The following TTBK2 variants were observed in gnomAD, a reference collection of about 807,000 sequenced individuals.
TTBK2 encodes the protein tau-tubulin kinase 2.
Under a neutral mutation model 110.8 loss-of-function variants are expected in TTBK2, and 28 were observed. The observed-to-expected ratio is 0.25, with a 90% CI of 0.19 to 0.35. The LOEUF (loss-of-function observed/expected upper bound fraction) is 0.35, where lower values mean the gene tolerates loss of function less well. Ranked by LOEUF, TTBK2 falls within the 10% of genes least tolerant of loss-of-function variation. The pLI, the probability that TTBK2 is intolerant of heterozygous loss-of-function variation, is 1.00. For missense variants in TTBK2, 1,369 were observed against 1,500.3 expected, an observed-to-expected ratio of 0.91 and a Z score of 1.45; for synonymous variants, 532 against 527.3, an observed-to-expected ratio of 1.01 and a Z score of -0.12.
chr15:42,864,507 C>T (rs1894285904), intron 3 of TTBK2, among the ~76,000 whole-genome samples: 1 of 151,980 alleles, frequency 6.6e-6, no homozygotes, highest in South Asian at 2.1e-4. Flanking sequence ...TCCCTTGAAC[C>T]CGGGAGGCAA....
chr15:42,826,163 T>C (rs916886507), intron 6 of TTBK2, among the ~76,000 whole-genome samples: 26 of 152,244 alleles, frequency 1.7e-4, no homozygotes, highest in African/African-American at 5.5e-4. Flanking sequence ...AAATCTACAA[T>C]GGGAACTTTT....
At chr15:42,872,289 T>C (rs889650778) in intron 3 of TTBK2, among the ~76,000 whole-genome samples, 3 of 152,222 alleles carry the variant, frequency 2.0e-5, no homozygotes, top group Non-Finnish European at 2.9e-5. Flanking sequence ...GTATCTGTTA[T>C]TGGTAGTTTA....
intron 13 of TTBK2, among the ~76,000 whole-genome samples, chr15:42,768,926 G>A (rs1037827014): frequency 6.6e-6 from 1 of 152,124 alleles, no homozygotes; most frequent in Admixed American, 6.6e-5. Flanking sequence ...TAGACCAATG[G>A]AACAGAGCAG....
At chr15:42,799,500 C>A (rs186427879) in intron 9 of TTBK2, among the ~76,000 whole-genome samples, 1 of 152,030 alleles carries the variant, frequency 6.6e-6, no homozygotes, top group East Asian at 1.9e-4. Context: ...GTGGTGTGAT[C>A]TCAGCTCACT....
At chr15:42,904,267 T>G (rs943145272) in intron 1 of TTBK2, among the ~76,000 whole-genome samples, 2 of 152,206 alleles carry the variant, frequency 1.3e-5, no homozygotes, top group African/African-American at 4.8e-5. Context: ...GCTTCACTGG[T>G]AATGGGGTGA....
At chr15:42,844,526 C>T (rs1284953681) in intron 3 of TTBK2, among the ~76,000 whole-genome samples, 1 of 152,180 alleles carries the variant, frequency 6.6e-6, no homozygotes, top group Non-Finnish European at 1.5e-5. Flanking sequence ...GCCACTGACT[C>T]CAGCCTGGGT....
In TTBK2 at chr15:42,777,249, A is replaced by G; in HGVS notation, c.1198-7T>C. 3.1e-6 allele frequency: 5 copies of G among 1,613,818 alleles called. No homozygotes were observed. The South Asian group carries it at 5.5e-5, about 18-fold the overall frequency. ...TCTCCTCTTCAGTAGCAGCCTATCC[A>G]AAATATAAAATAAAATCATGAAAAA... On this transcript the variant is annotated splice_region_variant and splice_polypyrimidine_tract_variant and intron_variant, in intron 11 of 14. Transcript: ENST00000267890.
At chr15:42,913,669 G>A (rs550783655) in intron 1 of TTBK2, among the ~76,000 whole-genome samples, 17 of 152,114 alleles carry the variant, frequency 1.1e-4, no homozygotes, top group African/African-American at 3.9e-4. Context: ...AGCTTTACAG[G>A]TCAGTATGGT....
intron 3 of TTBK2, among the ~76,000 whole-genome samples, chr15:42,860,440 G>GAAC (rs150068893): frequency 0.037 from 5,613 of 151,490 alleles, 314 homozygotes; most frequent in African/African-American, 0.12. Context: ...ACCTATAGAG[G>GAAC]AACAACAACA....
chr15:42,814,006 G>T (rs1251669829), intron 7 of TTBK2, among the ~76,000 whole-genome samples: 1 of 152,090 alleles, frequency 6.6e-6, no homozygotes, highest in Non-Finnish European at 1.5e-5. Context: ...GTATGACAGA[G>T]TTCAAGTGTT....
chr15:42,915,783 C>T (rs2031048573), intron 1 of TTBK2, among the ~76,000 whole-genome samples: 1 of 151,910 alleles, frequency 6.6e-6, no homozygotes, highest in Non-Finnish European at 1.5e-5. Flanking sequence ...CCCACCTATA[C>T]AAAAAATTGT....
rs879407104 is a variant in TTBK2, at chr15:42,852,072, CT to C, written c.218-11640del. Among the ~76,000 whole-genome samples the C allele has an allele frequency of 7.5e-3, 1,068 of 141,492 alleles. 1 individual carries two copies. Among genetic ancestry groups the C allele is most frequent in the African/African-American group, 9.5e-3 (367 of 38,768 alleles). 92.8% of individuals were successfully genotyped at this position (141,492 alleles called of 152,430 possible). On this transcript the variant is annotated intron_variant, in intron 3 of 14. Coordinates refer to ENST00000267890, the MANE Select transcript of TTBK2 (RefSeq NM_173500.4). ...GTCCCGACACATAAGATATTACCAA[CT>C]TTTTTTTTTTTTTTTAGATGGAGTC...
At chr15:42,770,562 C>T (rs1322217227) in intron 13 of TTBK2, among the ~76,000 whole-genome samples, 4 of 152,172 alleles carry the variant, frequency 2.6e-5, no homozygotes, top group Non-Finnish European at 4.4e-5. Context: ...CAGTGCAGTC[C>T]ATCCAATCAC....
At chr15:42,901,222 C>T (rs1419569184) in intron 1 of TTBK2, among the ~76,000 whole-genome samples, 1 of 151,774 alleles carries the variant, frequency 6.6e-6, no homozygotes, top group Non-Finnish European at 1.5e-5. Flanking sequence ...ATTAGCCGGG[C>T]GTGGTGGTGC....
At chr15:42,804,819 G>A (rs952876151) in intron 9 of TTBK2, among the ~76,000 whole-genome samples, 7 of 152,302 alleles carry the variant, frequency 4.6e-5, no homozygotes, top group African/African-American at 1.7e-4. Context: ...ACCAAAAAAA[G>A]TACTCTGCTT....
intron 7 of TTBK2, among the ~76,000 whole-genome samples, chr15:42,816,081 A>AATAT (rs1462001783): frequency 1.7e-5 from 1 of 60,318 alleles, no homozygotes; most frequent in African/African-American, 9.9e-5. Flanking sequence ...AAAATAAATA[A>AATAT]ATAAATATAT....
intron 3 of TTBK2, among the ~76,000 whole-genome samples, chr15:42,852,823 C>G (rs1893774855): frequency 6.6e-6 from 1 of 151,954 alleles, no homozygotes; most frequent in African/African-American, 2.4e-5. Context: ...CAAGGACAAG[C>G]AAAAAGTTAC....
At chr15:42,877,343 A>G (rs948035898) in intron 2 of TTBK2, among the ~76,000 whole-genome samples, 6 of 152,228 alleles carry the variant, frequency 3.9e-5, no homozygotes, top group African/African-American at 1.4e-4. Flanking sequence ...AGTCAGATCT[A>G]ATCAAGCCTG....
chr15:42,902,376 C>T (rs1219043046), intron 1 of TTBK2, among the ~76,000 whole-genome samples: 7 of 151,924 alleles, frequency 4.6e-5, no homozygotes, highest in African/African-American at 1.7e-4. Context: ...CAAAATTAGC[C>T]GGGCATGATG....
Sources: allele counts gnomAD v4.1 joint callset (sites outside exome capture counted in the v4.1 genomes callset), GRCh38; gene constraint gnomAD v4.1.1; transcripts MANE v1.5; gene names NCBI Gene and HGNC (gene_info 2026-07-23, HGNC 2026-07-21).